The following PDE1C variants were observed in gnomAD, a reference collection of about 807,000 sequenced individuals.
PDE1C encodes dual specificity calcium/calmodulin-dependent 3',5'-cyclic nucleotide phosphodiesterase 1C.
In PDE1C, 62 loss-of-function variants were observed where a neutral mutation model predicts 93.1. The observed-to-expected ratio is 0.67, with a 90% CI of 0.54 to 0.82. The LOEUF (loss-of-function observed/expected upper bound fraction) is 0.82, where lower values mean the gene tolerates loss of function less well. Among genes scored for constraint, PDE1C ranks in the 40% least tolerant of loss-of-function variants. PDE1C has a pLI of 0.00. For missense variants in PDE1C, 742 were observed against 884.6 expected (o/e 0.84, Z 2.04); for synonymous variants, 325 against 310.1 (o/e 1.05, Z -0.50).
intron 3 of PDE1C, among the ~76,000 whole-genome samples, chr7:32,162,637 T>C (rs1801990410): frequency 1.3e-5 from 2 of 152,198 alleles, no homozygotes; most frequent in South Asian, 4.2e-4. Flanking sequence ...AGGAGTTCCA[T>C]GTCTCCCAGG....
At chr7:31,917,197 T>C (rs1023087913) in intron 2 of PDE1C, among the ~76,000 whole-genome samples, 4 of 151,814 alleles carry the variant, frequency 2.6e-5, no homozygotes, top group Non-Finnish European at 5.9e-5. Flanking sequence ...ATAAACAGAG[T>C]TAATTACGGT....
intron 1 of PDE1C, among the ~76,000 whole-genome samples, chr7:32,409,266 G>T (rs1785118035): frequency 6.6e-6 from 1 of 151,922 alleles, no homozygotes; most frequent in Non-Finnish European, 1.5e-5. Flanking sequence ...GAGGCTGAGT[G>T]GGGAGGATCG....
At chr7:32,177,289 A>G (rs1000271458) in intron 2 of PDE1C, among the ~76,000 whole-genome samples, 1 of 152,166 alleles carries the variant, frequency 6.6e-6, no homozygotes, top group Non-Finnish European at 1.5e-5. Flanking sequence ...CACGGAGAGT[A>G]AATTAGGGAG....
chr7:32,374,295 GAAAGAAAGAAAGAA>G (rs1784395483), intron 1 of PDE1C, among the ~76,000 whole-genome samples: 7 of 150,020 alleles, frequency 4.7e-5, no homozygotes, highest in African/African-American at 1.8e-4. Context: ...AAGAAAGAAA[GAAAGAAAGAAAGAA>G]GAAAAGAAAA....
chr7:32,009,682 C>T (rs942576155), intron 2 of PDE1C, among the ~76,000 whole-genome samples: 2 of 152,134 alleles, frequency 1.3e-5, no homozygotes, highest in African/African-American at 4.8e-5. Context: ...AAGGTTGCAT[C>T]CAGTGCATTA....
chr7:31,880,778 C>T lies in PDE1C; in HGVS notation c.211G>A (p.Val71Met), dbSNP rs1193394717. 7.5e-6 allele frequency: 12 copies of T among 1,607,638 alleles called. No individual in the cohort carries two copies. Among genetic ancestry groups the T allele is most frequent in the Non-Finnish European group, 9.4e-6 (11 of 1,174,400 alleles). Residue 71 changes from valine to methionine, a missense_variant, in exon 3 of 18, where the codon GTG becomes ATG. Physicochemically the swap from Val to Met is conservative, Grantham distance 21. This residue lies in a region of PDE1C where 74 missense variants were observed against 88.2 expected (regional missense o/e 0.84). Transcript: ENST00000396191. ...LKKNLEYAATVLESVYIDETR... is the reference protein window; with the variant it reads ...LKKNLEYAATMLESVYIDETR... ...TCATCAATATACACAGATTCAAGCACTGTGGCTGCATATTCCAAATTCTTC... is the reference window on the plus strand; with the variant it reads ...TCATCAATATACACAGATTCAAGCATTGTGGCTGCATATTCCAAATTCTTC...
At chr7:32,000,141 T>A (rs2128556496) in intron 2 of PDE1C, among the ~76,000 whole-genome samples, 2 of 152,222 alleles carry the variant, frequency 1.3e-5, no homozygotes, top group South Asian at 4.1e-4. Flanking sequence ...TCCGGCAGTA[T>A]AACTAGACTG....
At chr7:31,767,874 C>T (rs906503872) in intron 17 of PDE1C, among the ~76,000 whole-genome samples, 4 of 152,132 alleles carry the variant, frequency 2.6e-5, no homozygotes, top group Non-Finnish European at 5.9e-5. Flanking sequence ...TTCATAAGGT[C>T]GTTAATCCCA....
chr7:32,227,994 T>A (rs1182096623), intron 1 of PDE1C, among the ~76,000 whole-genome samples: 2 of 152,254 alleles, frequency 1.3e-5, no homozygotes, highest in African/African-American at 2.4e-5. Context: ...ACTGCAGCCC[T>A]GGCTGATATC....
chr7:32,417,550 G>A (rs556220258), intron 1 of PDE1C, among the ~76,000 whole-genome samples: 3 of 151,744 alleles, frequency 2.0e-5, no homozygotes. Flanking sequence ...ATTAATCATG[G>A]GCAGAGCCCA....
chr7:31,732,860 A>C, the PDE1C span, among the ~76,000 whole-genome samples: 1 of 152,178 alleles, frequency 6.6e-6, no homozygotes, highest in Non-Finnish European at 1.5e-5. Context: ...CTAATTCTTC[A>C]AAAGATAGCA....
At chr7:31,692,533 T>C in the PDE1C span, 2 of 1,579,540 alleles carry the variant, frequency 1.3e-6, no homozygotes, top group Non-Finnish European at 1.7e-6. Context: ...GGTAAACAAA[T>C]GATCGATTGT....
intron 1 of PDE1C, among the ~76,000 whole-genome samples, chr7:32,402,994 A>G (rs1784978980): frequency 6.6e-6 from 1 of 152,198 alleles, no homozygotes; most frequent in Non-Finnish European, 1.5e-5. Flanking sequence ...TTCCTGCAAC[A>G]TTCAGGGCAG....
At position 31,880,150 on chromosome 7, in the gene PDE1C, C is replaced by A. The variant is rs559205477; in HGVS notation, c.242+597G>T. Among the ~76,000 whole-genome samples the A allele has an allele frequency of 6.3e-3, 952 of 152,002 alleles. 2 individuals are homozygous for A. Among genetic ancestry groups the A allele is most frequent in the Middle Eastern group, 0.01 (3 of 294 alleles). On this transcript the variant is annotated intron_variant, in intron 3 of 17. Transcript: ENST00000396191. ...CTGTCTAAATTAGGGGGAAAAAAAA[C>A]CACACCTTTCGTATTCAACATTTCA...
intron 3 of PDE1C, among the ~76,000 whole-genome samples, chr7:32,139,226 A>G (rs1256132676): frequency 6.7e-6 from 1 of 150,036 alleles, no homozygotes; most frequent in Admixed American, 6.7e-5. Context: ...ACCTTGAACT[A>G]CTGGGCTCAA....
chr7:32,202,810 G>A (rs1239645103), intron 2 of PDE1C, among the ~76,000 whole-genome samples: 3 of 152,052 alleles, frequency 2.0e-5, no homozygotes, highest in Non-Finnish European at 4.4e-5. Flanking sequence ...TTGCTTGCGT[G>A]GTTGATTGAT....
chr7:31,721,259 T>C, the PDE1C span, among the ~76,000 whole-genome samples: 1 of 152,222 alleles, frequency 6.6e-6, no homozygotes, highest in Non-Finnish European at 1.5e-5. Context: ...GCTCCTGTTA[T>C]CTTGGTGCTT....
intron 2 of PDE1C, among the ~76,000 whole-genome samples, chr7:32,174,262 A>G (rs1269200558): frequency 6.6e-6 from 1 of 152,124 alleles, no homozygotes; most frequent in Non-Finnish European, 1.5e-5. Flanking sequence ...TCATTCAGTA[A>G]ACACATATTG....
the PDE1C span, among the ~76,000 whole-genome samples, chr7:31,623,077 G>A: frequency 4.6e-5 from 7 of 152,114 alleles, no homozygotes; most frequent in Admixed American, 6.5e-5. Flanking sequence ...CTCTGAATAG[G>A]CCAATAACAG....
Sources: allele counts gnomAD v4.1 joint callset (sites outside exome capture counted in the v4.1 genomes callset), GRCh38; gene constraint gnomAD v4.1.1; regional missense constraint gnomAD v4.1.1; transcripts MANE v1.5; gene names NCBI Gene and HGNC (gene_info 2026-07-23, HGNC 2026-07-21).